Variants in ASB5 observed in about 807,000 individuals in gnomAD.
ASB5 encodes ankyrin repeat and SOCS box containing 5.
ASB5 carries 45 observed loss-of-function variants against 42.1 expected under a neutral mutation model. The observed-to-expected ratio is 1.07, with a 90% confidence interval of 0.84 to 1.37. The LOEUF (loss-of-function observed/expected upper bound fraction) is 1.37. Ranked by LOEUF, ASB5 falls within the 40% of genes most tolerant of loss-of-function variation. The pLI is 0.00. For synonymous variants in ASB5, 147 were observed against 150.6 expected, an observed-to-expected ratio of 0.98 and a Z score of 0.18; for missense variants, 402 against 399.8, an observed-to-expected ratio of 1.01 and a Z score of -0.05.
chr4:176,217,072 A>G (rs1752992164), intron 5 of ASB5, 63 bp from the exon 6 acceptor site: 1 of 1,373,432 alleles, frequency 7.3e-7, no homozygotes, highest in African/African-American at 1.5e-5. Context: ...CAGCTGCCTC[A>G]GTGGGGATAG....
chr4:176,263,795 A>T (rs1348167172), intron 1 of ASB5, among the ~76,000 whole-genome samples: 1 of 152,214 alleles, frequency 6.6e-6, no homozygotes, highest in Non-Finnish European at 1.5e-5. Flanking sequence ...GTTGCTCCTC[A>T]GAAACAGGTA....
At chr4:176,275,924 A>C (rs971685553) in intron 1 of ASB5, 1 of 152,258 alleles carries the variant, frequency 6.6e-6, no homozygotes, top group Non-Finnish European at 1.5e-5. Flanking sequence ...TAGAAGACAG[A>C]AAATGAGCTG....
chr4:176,241,525 A>G, intron 1 of ASB5: 1 of 1,534,012 alleles, frequency 6.5e-7, no homozygotes, highest in Non-Finnish European at 8.7e-7. Flanking sequence ...TTCAGTTCTC[A>G]GAGGCTGTGC....
chr4:176,221,974 G>A (rs1418059326), intron 3 of ASB5, among the ~76,000 whole-genome samples: 1 of 152,060 alleles, frequency 6.6e-6, no homozygotes, highest in Non-Finnish European at 1.5e-5. Flanking sequence ...TGGTAAAATT[G>A]GTAGTTCTAT....
At chr4:176,258,989 C>A (rs1242171978) in intron 1 of ASB5, among the ~76,000 whole-genome samples, 1 of 151,898 alleles carries the variant, frequency 6.6e-6, no homozygotes, top group Non-Finnish European at 1.5e-5. Flanking sequence ...CCAGCCAGAG[C>A]CAGTCTTGTT....
At chr4:176,262,900 C>T (rs1299131425) in intron 1 of ASB5, among the ~76,000 whole-genome samples, 2 of 152,146 alleles carry the variant, frequency 1.3e-5, no homozygotes, top group Non-Finnish European at 2.9e-5. Flanking sequence ...AATTTTTTAA[C>T]TTAAAATATT....
Position 176,216,997 on chromosome 4 carries a change from T to C in ASB5, c.683A>G (p.Gln228Arg), listed in dbSNP as rs1752989529. ...WKLLYAGADV[Q>R]KGKYWDTPLH... ...TGGAGTATCCCAATATTTGCCTTTC[T>C]GTACGTCAGCACCTACATGTAATAC... Residue 228 changes from glutamine to arginine, a missense_variant, in exon 6 of 7, where the codon CAG becomes CGG. By Grantham distance (43) the Gln-to-Arg change is conservative. Coordinates refer to ENST00000296525, the MANE Select transcript of ASB5 (RefSeq NM_080874.4). 6.2e-7 allele frequency: 1 copy of C among 1,607,126 alleles called. No homozygotes were observed. The highest frequency in any genetic ancestry group is 8.5e-7 in the Non-Finnish European group (1 of 1,177,408).
chr4:176,235,150 G>C (rs750574987), intron 1 of ASB5, among the ~76,000 whole-genome samples: 4 of 152,076 alleles, frequency 2.6e-5, no homozygotes, highest in Non-Finnish European at 5.9e-5. Flanking sequence ...GACAAATGAA[G>C]AGTTACTTCA....
chr4:176,237,285 T>C lies in ASB5; in HGVS notation c.197-11944A>G, dbSNP rs1753709184. The C allele has an allele frequency of 3.0e-6, 3 of 985,726 alleles. No homozygotes were observed. The South Asian group carries it at 1.4e-4, about 46-fold the overall frequency. The allele number at this position is 985,726 out of a possible 1,614,324, so 61.1% of individuals were successfully genotyped here. A position where few individuals can be genotyped will look rare whatever the true frequency, so the allele number is the denominator to read the frequency against. ...ACACTGACAGATTTGAAATGGCTGC[T>C]ATACTAACCTTGACTGGTCAGAATA... On this transcript the variant is annotated intron_variant, in intron 1 of 6. Transcript: ENST00000296525.
chr4:176,266,825 C>T (rs1487434412), intron 1 of ASB5, among the ~76,000 whole-genome samples: 2 of 152,006 alleles, frequency 1.3e-5, no homozygotes, highest in African/African-American at 2.4e-5. Context: ...ATATTGATTT[C>T]CTTTTTTCTT....
At chr4:176,242,993 T>A (rs2126964439) in intron 1 of ASB5, among the ~76,000 whole-genome samples, 1 of 152,312 alleles carries the variant, frequency 6.6e-6, no homozygotes, top group South Asian at 2.1e-4. Flanking sequence ...AGTTTTATTG[T>A]AACAGAACTA....
At chr4:176,255,142 C>A (rs141102586) in intron 1 of ASB5, among the ~76,000 whole-genome samples, 165 of 152,148 alleles carry the variant, frequency 1.1e-3, no homozygotes, top group Middle Eastern at 6.8e-3. Flanking sequence ...AAGAAACAAA[C>A]AAACAAACAA....
chr4:176,215,697 C>T lies in ASB5; in HGVS notation c.893G>A (p.Arg298Gln), dbSNP rs533097681. The change falls in exon 7 of 7, where the codon CGA (arginine) becomes CAA (glutamine). Residue 298 changes from arginine (R) to glutamine (Q), a missense_variant. Arg to Gln is a conservative substitution (Grantham distance 43). Transcript: ENST00000296525. Reference sequence around the variant, plus strand: ...TCCTATGTAGCTTCGGATACAGAGTCGGCAAAGTTGGTAAAGAGAGCTTGG... The same window carrying T: ...TCCTATGTAGCTTCGGATACAGAGTTGGCAAAGTTGGTAAAGAGAGCTTGG... ...ATPSSLYQLC[R>Q]LCIRSYIGKP... 2.7e-5 allele frequency: 44 copies of T among 1,612,386 alleles called. No individual in the cohort carries two copies. The highest frequency in any genetic ancestry group is 1.6e-4 in the Middle Eastern group (1 of 6,080).
chr4:176,246,736 A>T (rs184093473), intron 1 of ASB5, among the ~76,000 whole-genome samples: 1 of 152,354 alleles, frequency 6.6e-6, no homozygotes, highest in African/African-American at 2.4e-5. Context: ...CCTTCAGAAG[A>T]CGTGATGGTT....
chr4:176,275,744 T>G (rs1183715606), intron 2 of ASB5: 1 of 152,208 alleles, frequency 6.6e-6, no homozygotes, highest in African/African-American at 2.4e-5. Flanking sequence ...GCACTAGTCA[T>G]GCACTAGCTG....
upstream of ASB5, among the ~76,000 whole-genome samples, chr4:176,271,396 T>C (rs1754466442): frequency 6.6e-6 from 1 of 152,194 alleles, no homozygotes; most frequent in Non-Finnish European, 1.5e-5. Flanking sequence ...ATTAAAAGTA[T>C]TGTGCATCTA....
At chr4:176,226,779 C>T (rs1164254208) in intron 1 of ASB5, among the ~76,000 whole-genome samples, 2 of 152,200 alleles carry the variant, frequency 1.3e-5, no homozygotes, top group East Asian at 3.9e-4. Context: ...ACTCCCAGCT[C>T]CTTCTGCTAT....
intron 1 of ASB5, among the ~76,000 whole-genome samples, chr4:176,239,296 A>C (rs1482139629): frequency 6.6e-6 from 1 of 152,218 alleles, no homozygotes; most frequent in Non-Finnish European, 1.5e-5. Flanking sequence ...TTTAAAATTA[A>C]ATTAATTAAA....
intron 1 of ASB5, chr4:176,241,485 T>C (rs1753810925): frequency 2.0e-6 from 3 of 1,535,680 alleles, no homozygotes; most frequent in Non-Finnish European, 1.7e-6. Flanking sequence ...ATTTCCACCA[T>C]TGCAAAGAGG....
Sources: gnomAD v4.1 joint callset for allele counts (sites outside exome capture counted in the v4.1 genomes callset) on GRCh38, gnomAD v4.1.1 for gene constraint, MANE v1.5 for transcripts, NCBI Gene and HGNC (gene_info 2026-07-23, HGNC 2026-07-21) for gene names.